ARIH2: variants seen among roughly 807,000 people sequenced by gnomAD.
ARIH2 encodes ariadne RBR E3 ubiquitin protein ligase 2.
Under a neutral mutation model 79.8 loss-of-function variants are expected in ARIH2, and 12 were observed. The ratio of observed to expected loss-of-function variants is 0.15; its 90% confidence interval spans 0.10 to 0.24. ARIH2 has a LOEUF of 0.24. Ranked by LOEUF, ARIH2 falls within the 10% of genes least tolerant of loss-of-function variation. The pLI is 1.00. For synonymous variants in ARIH2, 224 were observed against 213.9 expected (o/e 1.05, Z -0.41); for missense variants, 301 against 618.3 (o/e 0.49, Z 5.44).
At chr3:48,930,133 T>C (rs921855953) in intron 3 of ARIH2, among the ~76,000 whole-genome samples, 1 of 152,112 alleles carries the variant, frequency 6.6e-6, no homozygotes, top group Non-Finnish European at 1.5e-5. Context: ...TGTGGCTCTT[T>C]TGGTTGGGTT....
chr3:48,945,132 T>A, intron 3 of ARIH2: 1 of 1,289,858 alleles, frequency 7.8e-7, no homozygotes, highest in Non-Finnish European at 1.0e-6. Context: ...CTGTATTTTT[T>A]CAGGCCGTTG....
At chr3:48,958,259 T>G (rs2107496148) in intron 3 of ARIH2, among the ~76,000 whole-genome samples, 1 of 152,172 alleles carries the variant, frequency 6.6e-6, no homozygotes, top group East Asian at 1.9e-4. Context: ...AGTTCTTGGT[T>G]ACAGTGAGAT....
Position 48,984,682 on chromosome 3 carries a change from A to G in ARIH2, c.*1412A>G, listed in dbSNP as rs948516783. 2.0e-5 allele frequency: 3 copies of G among 152,172 alleles called. No individual in the cohort carries two copies. The highest frequency in any genetic ancestry group is 1.9e-4 in the East Asian group (1 of 5,192). 9.4% of individuals were successfully genotyped at this position (152,172 alleles called of 1,614,324 possible). A position where few individuals can be genotyped will look rare whatever the true frequency, so the allele number is the denominator to read the frequency against. ...CACTCTAGGGCAGGCAGAGCAGTCT[A>G]TACTCTCCCAAGCCTGCTTGACCTC... On this transcript the variant is annotated 3_prime_UTR_variant, in exon 16 of 16. Transcript: ENST00000356401.
intron 5 of ARIH2, among the ~76,000 whole-genome samples, chr3:48,966,418 G>T (rs1466995662): frequency 6.6e-6 from 1 of 152,102 alleles, no homozygotes; most frequent in East Asian, 1.9e-4. Context: ...GTCTTTCTCT[G>T]CCAGTTTGTG....
At chr3:48,946,592 G>T (rs1276378292) in intron 3 of ARIH2, among the ~76,000 whole-genome samples, 3 of 152,072 alleles carry the variant, frequency 2.0e-5, no homozygotes, top group Non-Finnish European at 4.4e-5. Context: ...GAAACCATCT[G>T]AGAGTATTGA....
chr3:48,927,878 A>C, intron 3 of ARIH2, 65 bp downstream of exon 3: 1 of 1,571,228 alleles, frequency 6.4e-7, no homozygotes, highest in Non-Finnish European at 8.7e-7. Context: ...GCTGTTGTTA[A>C]TTAATGTCTC....
intron 3 of ARIH2, chr3:48,934,709 G>T (rs998917475): frequency 1.1e-5 from 11 of 985,324 alleles, no homozygotes; most frequent in Middle Eastern, 5.2e-4. Context: ...AAGGCGATGA[G>T]AAATGTCCAG....
At position 48,920,494 on chromosome 3, in the gene ARIH2, T is replaced by C. The variant is rs1000496894; in HGVS notation, c.-162+1496T>C. Among the ~76,000 whole-genome samples, 3 of 48,506 alleles carry C rather than the reference T, an allele frequency of 6.2e-5. 1 individual carries two copies. Among genetic ancestry groups the C allele is most frequent in the Non-Finnish European group, 9.7e-5 (3 of 30,844 alleles). The allele number at this position is 48,506 out of a possible 152,430, so 31.8% of individuals were successfully genotyped here. On this transcript the variant is annotated intron_variant, in intron 1 of 15. Transcript: ENST00000356401. ...GGTGAGAAGCCTGTGAGCAATTTCT[T>C]TTTTTTTTTTTTTTTTTGACACGGA...
rs192591231 is a variant in ARIH2, at chr3:48,985,123, T to G, written c.*1853T>G. 3.9e-5 allele frequency: 6 copies of G among 152,354 alleles called. No homozygotes were observed. The highest frequency in any genetic ancestry group is 2.6e-4 in the Admixed American group (4 of 15,300). 9.4% of individuals were successfully genotyped at this position (152,354 alleles called of 1,614,324 possible). On this transcript the variant is annotated 3_prime_UTR_variant, in exon 16 of 16. Coordinates refer to ENST00000356401, the MANE Select transcript of ARIH2 (RefSeq NM_006321.4). ...CTGGAGCCTTCACCTCTCCGTCAAGTCCTTCCTGTGATACTGCCATGGCAC... is the reference window on the plus strand; with the variant it reads ...CTGGAGCCTTCACCTCTCCGTCAAGGCCTTCCTGTGATACTGCCATGGCAC...
At chr3:48,973,009 T>G (rs528662577) in intron 8 of ARIH2, among the ~76,000 whole-genome samples, 1 of 152,208 alleles carries the variant, frequency 6.6e-6, no homozygotes, top group Non-Finnish European at 1.5e-5. Flanking sequence ...ATCACTGCAC[T>G]CGGCCTACAG....
intron 6 of ARIH2, 43 bp downstream of exon 6, chr3:48,967,318 T>G (rs2091870629): frequency 3.8e-6 from 6 of 1,593,560 alleles, no homozygotes; most frequent in Non-Finnish European, 4.3e-6. Flanking sequence ...CATGAAGTGT[T>G]TATCTTTGAC....
intron 8 of ARIH2, among the ~76,000 whole-genome samples, chr3:48,972,811 T>G (rs988485271): frequency 3.3e-5 from 5 of 152,122 alleles, no homozygotes; most frequent in Admixed American, 2.6e-4. Flanking sequence ...CCTCCAGAGC[T>G]CAGGCAAATC....
chr3:48,959,419 T>C (rs1042702687), intron 3 of ARIH2, among the ~76,000 whole-genome samples: 7 of 151,692 alleles, frequency 4.6e-5, no homozygotes, highest in Non-Finnish European at 1.5e-5. Context: ...TTGTCTCTCT[T>C]TTCATTTTGT....
intron 2 of ARIH2, chr3:48,925,110 CTTTTT>C (rs943975619): frequency 6.7e-6 from 1 of 149,774 alleles, no homozygotes; most frequent in African/African-American, 2.5e-5. Flanking sequence ...GATTTTTTTT[CTTTTT>C]TTCTTTTTTT....
intron 3 of ARIH2, among the ~76,000 whole-genome samples, chr3:48,941,402 T>G (rs1355997328): frequency 6.6e-6 from 1 of 152,082 alleles, no homozygotes; most frequent in Admixed American, 6.6e-5. Context: ...TTACATGTCA[T>G]AGAGAGTTAG....
At chr3:48,924,553 C>CT (rs1333381838) in intron 2 of ARIH2, among the ~76,000 whole-genome samples, 2 of 151,964 alleles carry the variant, frequency 1.3e-5, no homozygotes, top group Non-Finnish European at 2.9e-5. Flanking sequence ...CAGTGTCTCA[C>CT]TCTTGCCCAG....
chr3:48,941,552 G>A (rs1271152098), intron 3 of ARIH2, among the ~76,000 whole-genome samples: 1 of 151,718 alleles, frequency 6.6e-6, no homozygotes, highest in East Asian at 1.9e-4. Flanking sequence ...CCATCAAAGA[G>A]CCTTTTATGT....
chr3:48,933,670 C>T (rs2086712503), intron 3 of ARIH2, among the ~76,000 whole-genome samples: 1 of 151,590 alleles, frequency 6.6e-6, no homozygotes, highest in Admixed American at 6.6e-5. Context: ...CTGCCTCAGC[C>T]TCCCAAGTAG....
At chr3:48,939,779 AAAAC>A (rs1220332895) in intron 3 of ARIH2, among the ~76,000 whole-genome samples, 3 of 148,680 alleles carry the variant, frequency 2.0e-5, no homozygotes, top group Non-Finnish European at 3.0e-5. Context: ...AAAAAAAACA[AAAAC>A]AAAAAAACAA....
Sources: allele counts gnomAD v4.1 joint callset (sites outside exome capture counted in the v4.1 genomes callset), GRCh38; gene constraint gnomAD v4.1.1; transcripts MANE v1.5; gene names NCBI Gene and HGNC (gene_info 2026-07-23, HGNC 2026-07-21).